The following DNAH1 variants were observed in gnomAD, a reference collection of about 807,000 sequenced individuals.
DNAH1 encodes axonemal beta dynein heavy chain 1.
Under a neutral mutation model 484.3 loss-of-function variants are expected in DNAH1, and 327 were observed. That is an observed-to-expected ratio of 0.68 (90% CI 0.62 to 0.74). The LOEUF is 0.74. Among genes scored for constraint, DNAH1 ranks in the 30% least tolerant of loss-of-function variants. The pLI is 0.00. For synonymous variants in DNAH1, 2,192 were observed against 2,191.9 expected, an observed-to-expected ratio of 1.00 and a Z score of 0.00; for missense variants, 5,052 against 5,546.8, an observed-to-expected ratio of 0.91 and a Z score of 2.83.
upstream of DNAH1, among the ~76,000 whole-genome samples, chr3:52,315,521 C>T (rs1700921313): frequency 6.6e-6 from 1 of 152,252 alleles, no homozygotes; most frequent in African/African-American, 2.4e-5. Context: ...AGCAGCCCAT[C>T]TGCCCCAATC....
intron 44 of DNAH1, chr3:52,373,694 G>T: frequency 7.3e-7 from 1 of 1,371,820 alleles, no homozygotes; most frequent in South Asian, 1.2e-5. Flanking sequence ...TTATCCAGAA[G>T]TTATGTCAGT....
At chr3:52,329,297 T>C (rs1189954930) in intron 6 of DNAH1, among the ~76,000 whole-genome samples, 1 of 152,116 alleles carries the variant, frequency 6.6e-6, no homozygotes, top group Admixed American at 6.5e-5. Context: ...TGTTTTCTGC[T>C]GGGAGCTTCC....
Position 52,332,334 on chromosome 3 carries a change from A to G in DNAH1, c.1226A>G (p.Gln409Arg). 1 of 1,614,076 alleles carries G rather than the reference A, an allele frequency of 6.2e-7. No individual in the cohort carries two copies. The highest frequency in any genetic ancestry group is 8.5e-7 in the Non-Finnish European group (1 of 1,179,908). ...GACGGCCAGCATGTCATCAGTGAAC[A>G]GAGCCTGAGCAAGATCAAGCAGTGG... ...PSDGQHVISE[Q>R]SLSKIKQWAL... Residue 409 changes from glutamine (Q) to arginine (R), a missense_variant, in exon 8 of 78, where the codon CAG (glutamine) becomes CGG (arginine). Transcript: ENST00000420323.
At chr3:52,329,839 A>AG (rs1559492779) in intron 6 of DNAH1, among the ~76,000 whole-genome samples, 2 of 151,742 alleles carry the variant, frequency 1.3e-5, no homozygotes, top group Non-Finnish European at 2.9e-5. Context: ...AAAAAAAAAA[A>AG]CAGAAACAAA....
rs538816685 is a variant in DNAH1 at position 52,382,692 on chromosome 3, A to G, written c.7941+237A>G. 5.3e-5 allele frequency among the ~76,000 whole-genome samples: 8 copies of G among 152,310 alleles called. No homozygotes were observed. In the South Asian group the frequency reaches 1.7e-3, roughly 32 times the overall value. ...CATCACTCATGCCCCGAAGGTAAAGAAGGCCCTGGTAGCATAGCACCCCAC... is the reference window on the plus strand; with the variant it reads ...CATCACTCATGCCCCGAAGGTAAAGGAGGCCCTGGTAGCATAGCACCCCAC... On this transcript the variant is annotated intron_variant, in intron 50 of 77. Coordinates refer to ENST00000420323, the MANE Select transcript of DNAH1 (RefSeq NM_015512.5).
At position 52,356,647 on chromosome 3, in the gene DNAH1, T is replaced by C. The variant is rs1274615006; in HGVS notation, c.3727T>C (p.Ser1243Pro). 2 of 1,613,698 alleles carry C rather than the reference T, an allele frequency of 1.2e-6. No individual in the cohort carries two copies. Among genetic ancestry groups the C allele is most frequent in the Non-Finnish European group, 8.5e-7 (1 of 1,179,876 alleles). ...GGAGGAGTGGCTGAACTGTCAGCGG[T>C]CCTGGCTCTACCTGGAGCCCATCTT... ...VLEEWLNCQR[S>P]WLYLEPIFSS... The change falls in exon 22 of 78, where the codon TCC (serine) becomes CCC (proline). Residue 1243 changes from serine to proline, a missense_variant. By Grantham distance (74) the Ser-to-Pro change is moderately conservative. Around this residue, in one of 4 missense-constraint regions of DNAH1, gnomAD observed 2,929 missense variants for 3,409.4 expected, o/e 0.86. Coordinates refer to ENST00000420323, the MANE Select transcript of DNAH1 (RefSeq NM_015512.5).
intron 6 of DNAH1, among the ~76,000 whole-genome samples, chr3:52,330,454 G>A (rs1488697298): frequency 2.6e-5 from 4 of 152,218 alleles, no homozygotes; most frequent in Non-Finnish European, 5.9e-5. Flanking sequence ...GCAATGAGGC[G>A]ACCTGAGTGG....
rs1215732297 is a variant in DNAH1, at chr3:52,383,913, A to G, written c.8204A>G (p.Asn2735Ser). 22 of 1,612,144 alleles carry G rather than the reference A, an allele frequency of 1.4e-5. No individual in the cohort carries two copies. Among genetic ancestry groups the G allele is most frequent in the Non-Finnish European group, 1.7e-5 (20 of 1,178,804 alleles). Residue 2735 changes from asparagine (N) to serine (S), a missense_variant, in exon 52 of 78, where the codon AAC (asparagine) becomes AGC (serine). Coordinates refer to ENST00000420323, the MANE Select transcript of DNAH1 (RefSeq NM_015512.5). ...CTGAGGCAGTTTCCCTCCCTGGTCA[A>G]CTGCTGTACCATCGACTGGTTTAAC... ...ARLRQFPSLVNCCTIDWFNEW... is the reference protein window; with the variant it reads ...ARLRQFPSLVSCCTIDWFNEW...
At position 52,397,782 on chromosome 3, in the gene DNAH1, A is replaced by G. The variant is rs2153225833; in HGVS notation, c.11863A>G (p.Ile3955Val). 6.2e-7 allele frequency: 1 copy of G among 1,613,840 alleles called. No homozygotes were observed. The highest frequency in any genetic ancestry group is 8.5e-7 in the Non-Finnish European group (1 of 1,179,790). ...EIFGLHDNAN[I>V]TFAQNETFAL... ...CTTTGGCCTGCATGACAATGCCAAC[A>G]TCACCTTTGCCCAGAACGAGACGTT... The change falls in exon 74 of 78, where the codon ATC (isoleucine) becomes GTC (valine). Residue 3955 changes from isoleucine to valine, a missense_variant. Ile to Val is a conservative substitution (Grantham distance 29). Transcript: ENST00000420323.
At chr3:52,348,610 C>T (rs1173265770) in intron 12 of DNAH1, among the ~76,000 whole-genome samples, 1 of 152,246 alleles carries the variant, frequency 6.6e-6, no homozygotes, top group Non-Finnish European at 1.5e-5. Flanking sequence ...TGGTCCTGGG[C>T]TGAGTCAGGC....
At chr3:52,357,855 G>A in intron 23 of DNAH1, 43 bp from the exon 24 acceptor site, 3 of 1,595,098 alleles carry the variant, frequency 1.9e-6, no homozygotes, top group Non-Finnish European at 2.6e-6. Flanking sequence ...TGGGGCCCAG[G>A]GAGCCTGCAC....
Position 52,398,934 on chromosome 3 carries a change from G to A in DNAH1, c.12174G>A (p.Gln4058=), listed in dbSNP as rs761876832. The A allele has an allele frequency of 3.8e-5, 62 of 1,613,324 alleles. 1 individual carries two copies. The South Asian group carries it at 6.6e-4, about 17-fold the overall frequency. Residue 4058 remains glutamine (Q), a synonymous_variant, in exon 76 of 78, where the codon CAG becomes CAA. Transcript: ENST00000420323. Reference sequence around the variant, plus strand: ...AGGGGCTGGTAGTGATGTCCTCTCAGCTGGAGCTGATGGCTGCCAGCCTGT... The same window carrying A: ...AGGGGCTGGTAGTGATGTCCTCTCAACTGGAGCTGATGGCTGCCAGCCTGT... ...ALKGLVVMSS[Q]LELMAASLYN...
chr3:52,400,421 C>T lies in DNAH1; in HGVS notation c.12773C>T (p.Ala4258Val). The T allele has an allele frequency of 6.2e-7, 1 of 1,614,062 alleles. No individual in the cohort carries two copies. The highest frequency in any genetic ancestry group is 8.5e-7 in the Non-Finnish European group (1 of 1,179,892). Residue 4258 changes from alanine to valine, a missense_variant, in exon 78 of 78, where the codon GCC becomes GTC. Coordinates refer to ENST00000420323, the MANE Select transcript of DNAH1 (RefSeq NM_015512.5). ...CGACACTGGATAAAGCGTGGTGTGG[C>T]CCTCATCTGTGCCCTGGACTACTAG... ...PQRHWIKRGVALICALDY is the reference protein window; with the variant it reads ...PQRHWIKRGVVLICALDY
chr3:52,376,162 G>A (rs1703592322), intron 46 of DNAH1, among the ~76,000 whole-genome samples, 169 bp downstream of exon 46: 1 of 152,160 alleles, frequency 6.6e-6, no homozygotes, highest in African/African-American at 2.4e-5. Flanking sequence ...GGCACTGGCT[G>A]CCCCATAGGC....
Position 52,355,985 on chromosome 3 carries a change from C to G in DNAH1, c.3694-629C>G, listed in dbSNP as rs988789410. Among the ~76,000 whole-genome samples the G allele has an allele frequency of 3.9e-5, 6 of 152,222 alleles. No homozygotes were observed. Among genetic ancestry groups the G allele is most frequent in the African/African-American group, 1.4e-4 (6 of 41,470 alleles). On this transcript the variant is annotated intron_variant, in intron 21 of 77. Coordinates refer to ENST00000420323, the MANE Select transcript of DNAH1 (RefSeq NM_015512.5). The surrounding 1 kb of genome is among the most constrained non-coding windows in gnomAD (Gnocchi z 4.5). ...GGGACCAGGCCGCATTCCCCTGTTT[C>G]CCCTAGTGCCTCCCAGGGCCTGGCA...
At chr3:52,385,989 G>A (rs1447730149) in intron 54 of DNAH1, among the ~76,000 whole-genome samples, 171 bp from the exon 55 acceptor site, 1 of 152,234 alleles carries the variant, frequency 6.6e-6, no homozygotes, top group African/African-American at 2.4e-5. Flanking sequence ...CCAGGCCCAT[G>A]GTGAGCACTC....
chr3:52,386,317 G>A lies in DNAH1; in HGVS notation c.8783G>A (p.Arg2928His), dbSNP rs117873755. 1,101 of 1,592,248 alleles carry A rather than the reference G, an allele frequency of 6.9e-4. 32 individuals carry two copies. The East Asian group carries it at 0.025, about 36-fold the overall frequency. ...PALDAALASLRNLNKNDVTEV... is the reference protein window; with the variant it reads ...PALDAALASLHNLNKNDVTEV... ...CTGGATGCGGCTCTGGCCAGCCTGC[G>A]CAACCTCAACAAGAACGATGTGACC... is the stretch of plus-strand genomic sequence containing the variant. The change falls in exon 55 of 78, where the codon CGC becomes CAC. Residue 2928 changes from arginine to histidine, a missense_variant. Arg to His is a conservative substitution (Grantham distance 29, BLOSUM62 0). Transcript: ENST00000420323.
rs1387185979 is a variant in DNAH1, at chr3:52,347,964, A to C, written c.2096A>C (p.Gln699Pro). Residue 699 changes from glutamine to proline, a missense_variant, in exon 12 of 78, where the codon CAG becomes CCG. By Grantham distance (76) the Gln-to-Pro change is moderately conservative (BLOSUM62 -1). This residue lies in a region of DNAH1 where 1,263 missense variants were observed against 1,218.8 expected (regional missense o/e 1.04). Transcript: ENST00000420323. ...KGILATHAVP[Q>P]LEKLVMEDIF... The stretch of plus-strand genomic sequence containing the variant: ...ATCCTGGCCACCCATGCCGTGCCCC[A>C]GCTGGAGAAGGTACGTGCTGCAGCC... 1 of 1,609,004 alleles carries C rather than the reference A, an allele frequency of 6.2e-7. No individual in the cohort carries two copies. The highest frequency in any genetic ancestry group is 8.5e-7 in the Non-Finnish European group (1 of 1,177,738).
At chr3:52,367,901 G>A (rs1703153500) in intron 36 of DNAH1, among the ~76,000 whole-genome samples, 1 of 152,238 alleles carries the variant, frequency 6.6e-6, no homozygotes, top group African/African-American at 2.4e-5. Context: ...AGCATGCTGA[G>A]GAAGAACATA....
Sources: gnomAD v4.1 joint callset for allele counts (sites outside exome capture counted in the v4.1 genomes callset) on GRCh38, gnomAD v4.1.1 for gene constraint, gnomAD v4.1.1 regional missense constraint, Gnocchi (gnomAD v3.1) non-coding constraint, MANE v1.5 for transcripts, NCBI Gene and HGNC (gene_info 2026-07-23, HGNC 2026-07-21) for gene names.